The following ZNF468 variants were observed in gnomAD, a reference collection of about 807,000 sequenced individuals.
The protein encoded by ZNF468 is zinc finger protein 468.
A neutral mutation model predicts 7.2 loss-of-function variants in ZNF468; 8 were observed. The ratio of observed to expected loss-of-function variants is 1.11; its 90% CI spans 0.65 to 2.01. The LOEUF (loss-of-function observed/expected upper bound fraction) is 2.01, where lower values mean the gene tolerates loss of function less well. Among genes scored for constraint, ZNF468 ranks in the 30% most tolerant of loss-of-function variants. The pLI is 0.00. For missense variants in ZNF468, 608 were observed against 626.5 expected (o/e 0.97, Z 0.31); for synonymous variants, 218 against 214.4 (o/e 1.02, Z -0.15).
intron 2 of ZNF468, among the ~76,000 whole-genome samples, chr19:52,851,140 A>G (rs1340352888): frequency 1.3e-5 from 2 of 151,860 alleles, no homozygotes; most frequent in Admixed American, 6.6e-5. Flanking sequence ...GCCACGGGTG[A>G]TGGCACGTGA....
rs190563992 is a variant in ZNF468, at chr19:52,854,129, G to A, written c.15+129C>T. On this transcript the variant is annotated intron_variant, in intron 2 of 3. Transcript: ENST00000595646. ...GAACCTAAGCGAGATGAGAGGGACT[G>A]AAGGAAGGCATAAGTGAGGGTGAGC... 2.1e-4 allele frequency: 331 copies of A among 1,587,868 alleles called. 1 individual carries two copies. In the African/African-American group the frequency reaches 3.9e-3, roughly 19 times the overall value.
At chr19:52,850,550 C>T (rs1183456501) in intron 2 of ZNF468, among the ~76,000 whole-genome samples, 1 of 152,140 alleles carries the variant, frequency 6.6e-6, no homozygotes, top group Non-Finnish European at 1.5e-5. Flanking sequence ...AAGAAAACAA[C>T]AGACACTGCA....
At chr19:52,854,399 T>G (rs2063418620) in intron 1 of ZNF468, 54 bp from the exon 2 acceptor site, 1 of 1,514,610 alleles carries the variant, frequency 6.6e-7, no homozygotes, top group South Asian at 1.2e-5. Context: ...CCCCCTCCCT[T>G]AACACAATGA....
chr19:52,855,164 G>A (rs143407047), intron 1 of ZNF468, among the ~76,000 whole-genome samples: 33 of 148,100 alleles, frequency 2.2e-4, no homozygotes, highest in South Asian at 4.3e-4. Flanking sequence ...GGAGGACAGA[G>A]TGAGAGTCTG....
intron 3 of ZNF468, among the ~76,000 whole-genome samples, chr19:52,845,662 AAACT>A (rs545186766): frequency 8.2e-4 from 125 of 152,136 alleles, no homozygotes; most frequent in South Asian, 2.7e-3. Context: ...CCATCTCAAA[AAACT>A]AACTAACTAA....
At position 52,849,177 on chromosome 19, in the gene ZNF468, A is replaced by G; in HGVS notation, c.52T>C (p.Ser18Pro). The change falls in exon 3 of 4, where the codon TCT (serine) becomes CCT (proline). Residue 18 changes from serine (S) to proline (P), a missense_variant. Physicochemically the swap from Ser to Pro is moderately conservative, Grantham distance 74 (BLOSUM62 -1). Transcript: ENST00000595646. ...TCCAGGCATTTCCACTCCTCCTGAG[A>G]GAATTCTATGGCCACGTCCCTGAAT... ...LTFRDVAIEF[S>P]QEEWKCLDPA... 6.2e-7 allele frequency: 1 copy of G among 1,613,980 alleles called. No homozygotes were observed. Among genetic ancestry groups the G allele is most frequent in the East Asian group, 2.2e-5 (1 of 44,862 alleles).
At position 52,840,659 on chromosome 19, in the gene ZNF468, T is replaced by G. The variant is rs2063287026; in HGVS notation, c.*66A>C. On this transcript the variant is annotated 3_prime_UTR_variant, in exon 4 of 4. Coordinates refer to ENST00000595646, the MANE Select transcript of ZNF468 (RefSeq NM_001008801.2). ...TTATGCTTGTAAGGTTTCTCTCCAG[T>G]ATGAATTGCCTTATGACTTACAGGG... 14 of 1,608,952 alleles carry G rather than the reference T, an allele frequency of 8.7e-6. No homozygotes were observed. In the South Asian group the frequency reaches 1.5e-4, roughly 18 times the overall value.
At chr19:52,844,958 T>C (rs1056968758) in intron 3 of ZNF468, among the ~76,000 whole-genome samples, 2 of 152,180 alleles carry the variant, frequency 1.3e-5, no homozygotes, top group Admixed American at 1.3e-4. Context: ...GAGTCTGTAC[T>C]GTAAAACTTG....
chr19:52,840,051 A>G lies in ZNF468; in HGVS notation c.*674T>C, dbSNP rs544069086. 3.2e-6 allele frequency: 4 copies of G among 1,259,850 alleles called. No individual in the cohort carries two copies. In the South Asian group the frequency reaches 4.2e-5, roughly 13 times the overall value. The allele number at this position is 1,259,850 out of a possible 1,614,324, so 78.0% of individuals were successfully genotyped here. On this transcript the variant is annotated 3_prime_UTR_variant, in exon 4 of 4. Coordinates refer to ENST00000595646, the MANE Select transcript of ZNF468 (RefSeq NM_001008801.2). ...CATTGCACTTGTAAGGTTTCTCTCC[A>G]GTGTGAATTCTAGTATGGGGTGCCA...
At chr19:52,856,677 C>G (rs1300542559) in intron 1 of ZNF468, among the ~76,000 whole-genome samples, 1 of 144,118 alleles carries the variant, frequency 6.9e-6, no homozygotes, top group African/African-American at 2.5e-5. Flanking sequence ...CTCCACATTT[C>G]TGCCCCTCTC....
intron 2 of ZNF468, 100 bp from the exon 3 acceptor site, chr19:52,849,313 A>T: frequency 6.3e-7 from 1 of 1,589,982 alleles, no homozygotes; most frequent in Non-Finnish European, 8.6e-7. Context: ...ATTTAACTGT[A>T]GAGAATGTTC....
chr19:52,840,531 A>T lies in ZNF468; in HGVS notation c.*194T>A. ...TGTTTTAAGGTTTGATTTACAACTG[A>T]AAACTTTTGTCACATTCCTCCCATT... On this transcript the variant is annotated 3_prime_UTR_variant, in exon 4 of 4. Coordinates refer to ENST00000595646, the MANE Select transcript of ZNF468 (RefSeq NM_001008801.2). The T allele has an allele frequency of 8.6e-7, 1 of 1,164,404 alleles. No homozygotes were observed. Among genetic ancestry groups the T allele is most frequent in the African/African-American group, 1.5e-5 (1 of 65,502 alleles). 72.1% of individuals were successfully genotyped at this position (1,164,404 alleles called of 1,614,324 possible). A position where few individuals can be genotyped will look rare whatever the true frequency, so the allele number is the denominator to read the frequency against.
intron 3 of ZNF468, among the ~76,000 whole-genome samples, chr19:52,844,829 G>A (rs974977658): frequency 4.6e-5 from 7 of 152,080 alleles, no homozygotes; most frequent in Admixed American, 6.6e-5. Context: ...GTGAGCCACC[G>A]CGGCCAGCCA....
At chr19:52,854,412 C>G in intron 1 of ZNF468, 67 bp from the exon 2 acceptor site, 9 of 1,464,308 alleles carry the variant, frequency 6.1e-6, no homozygotes, top group African/African-American at 1.4e-5. Flanking sequence ...CACAATGACA[C>G]AAACATAGGA....
At position 52,839,589 on chromosome 19, in the gene ZNF468, C is replaced by G; in HGVS notation, c.*1136G>C. The G allele has an allele frequency of 1.8e-6, 1 of 543,598 alleles. No homozygotes were observed. Among genetic ancestry groups the G allele is most frequent in the Non-Finnish European group, 3.7e-6 (1 of 267,472 alleles). The allele number at this position is 543,598 out of a possible 1,614,324, so 33.7% of individuals were successfully genotyped here. A position where few individuals can be genotyped will look rare whatever the true frequency, so the allele number is the denominator to read the frequency against. On this transcript the variant is annotated 3_prime_UTR_variant, in exon 4 of 4. Coordinates refer to ENST00000595646, the MANE Select transcript of ZNF468 (RefSeq NM_001008801.2). ...ATGGTCTGCAAGGAGTGACCTTGGA[C>G]TGAAGACCCTTCCACACTGATGACA...
chr19:52,848,490 C>T (rs1373004365), intron 3 of ZNF468, among the ~76,000 whole-genome samples: 3 of 152,162 alleles, frequency 2.0e-5, no homozygotes, highest in Non-Finnish European at 1.5e-5. Flanking sequence ...TCCAAGAATA[C>T]TGAGTCAAAA....
rs541705064 is a variant in ZNF468 at position 52,838,060 on chromosome 19, G to C, written c.*2665C>G. ...TTTGGTGCAGAAAATGTGACATCATGTGCAATTTTCACATAATATGTATTT... is the reference window on the plus strand; with the variant it reads ...TTTGGTGCAGAAAATGTGACATCATCTGCAATTTTCACATAATATGTATTT... On this transcript the variant is annotated 3_prime_UTR_variant, in exon 4 of 4. Coordinates refer to ENST00000595646, the MANE Select transcript of ZNF468 (RefSeq NM_001008801.2). 7 of 152,230 alleles carry C rather than the reference G, an allele frequency of 4.6e-5. No individual in the cohort carries two copies. Among genetic ancestry groups the C allele is most frequent in the South Asian group, 4.1e-4 (2 of 4,822 alleles). 9.4% of individuals were successfully genotyped at this position (152,230 alleles called of 1,614,324 possible).
chr19:52,852,103 C>T (rs776187935), intron 2 of ZNF468, among the ~76,000 whole-genome samples: 2 of 152,076 alleles, frequency 1.3e-5, no homozygotes, highest in Non-Finnish European at 2.9e-5. Flanking sequence ...CAGTGGCTCA[C>T]ACTTGTAATC....
intron 3 of ZNF468, among the ~76,000 whole-genome samples, chr19:52,843,078 G>A (rs1358514242): frequency 1.5e-5 from 2 of 133,538 alleles, no homozygotes; most frequent in East Asian, 4.5e-4. Context: ...TTGAGATTGT[G>A]TCACTTTGCT....
Sources: gnomAD v4.1 joint callset for allele counts (sites outside exome capture counted in the v4.1 genomes callset) on GRCh38, gnomAD v4.1.1 for gene constraint, MANE v1.5 for transcripts, NCBI Gene and HGNC (gene_info 2026-07-23, HGNC 2026-07-21) for gene names.